CTNNA2: variants seen among roughly 807,000 people sequenced by gnomAD.
CTNNA2 encodes catenin alpha-2.
In CTNNA2, 42 loss-of-function variants were observed where a neutral mutation model predicts 101.0. The observed-to-expected ratio is 0.42, with a 90% CI of 0.32 to 0.54. The LOEUF is 0.54. Ranked by LOEUF, CTNNA2 falls within the 20% of genes least tolerant of loss-of-function variation. The pLI is 0.14. For synonymous variants in CTNNA2, 450 were observed against 456.4 expected (o/e 0.99, Z 0.18); for missense variants, 871 against 1,223.1 (o/e 0.71, Z 4.29).
At chr2:79,563,594 T>G (rs1460252498) in intron 1 of CTNNA2, among the ~76,000 whole-genome samples, 1 of 152,156 alleles carries the variant, frequency 6.6e-6, no homozygotes, top group Non-Finnish European at 1.5e-5. Context: ...CAAAACAATC[T>G]TATTTTACTC....
intron 2 of CTNNA2, among the ~76,000 whole-genome samples, chr2:79,299,674 A>T (rs1676062708): frequency 6.6e-6 from 1 of 152,230 alleles, no homozygotes; most frequent in Non-Finnish European, 1.5e-5. Flanking sequence ...TGGACACAGC[A>T]ATAGGTATAC....
At chr2:79,530,931 G>A (rs1205751875) in intron 1 of CTNNA2, among the ~76,000 whole-genome samples, 1 of 151,958 alleles carries the variant, frequency 6.6e-6, no homozygotes, top group East Asian at 1.9e-4. Flanking sequence ...ACAGAAATGG[G>A]TCTTAGAATT....
intron 15 of CTNNA2, among the ~76,000 whole-genome samples, chr2:80,596,429 C>T (rs1696984911): frequency 1.3e-5 from 2 of 150,450 alleles, no homozygotes; most frequent in African/African-American, 4.9e-5. Flanking sequence ...CCTGCCTCAG[C>T]CTCCCGAGTA....
chr2:79,967,960 A>G (rs2104559154), intron 7 of CTNNA2, among the ~76,000 whole-genome samples: 1 of 152,344 alleles, frequency 6.6e-6, no homozygotes, highest in Admixed American at 6.5e-5. Flanking sequence ...GCAAATGGTT[A>G]TATATTGCAT....
chr2:80,545,816 A>AGG, intron 10 of CTNNA2, 91 bp from the exon 11 acceptor site: 1 of 1,298,952 alleles, frequency 7.7e-7, no homozygotes, highest in Non-Finnish European at 1.1e-6. Flanking sequence ...TAGAACGTAC[A>AGG]GGGTGCATGG....
chr2:80,637,951 C>T (rs924349638), intron 18 of CTNNA2, among the ~76,000 whole-genome samples: 1 of 152,148 alleles, frequency 6.6e-6, no homozygotes, highest in African/African-American at 2.4e-5. Context: ...GCAGCAGATA[C>T]CATGTTCATA....
rs146802930 is a variant in CTNNA2, at chr2:80,513,613, G to C, written c.1291-31369G>C. Among the ~76,000 whole-genome samples the C allele has an allele frequency of 3.3e-5, 5 of 152,306 alleles. No homozygotes were observed. In the East Asian group the frequency reaches 5.8e-4, roughly 18 times the overall value. On this transcript the variant is annotated intron_variant, in intron 9 of 18. Coordinates refer to ENST00000402739, the MANE Select transcript of CTNNA2 (RefSeq NM_001282597.3). ...GTAACAAAACACCTTCCAAAATCTT[G>C]ATGCCATCATCTCCATCTTTCTTGT...
At chr2:79,240,641 C>G (rs1291184527) in intron 2 of CTNNA2, among the ~76,000 whole-genome samples, 1 of 151,952 alleles carries the variant, frequency 6.6e-6, no homozygotes, top group African/African-American at 2.4e-5. Flanking sequence ...TCTCATTTAT[C>G]CTAGTGGTCA....
intron 3 of CTNNA2, among the ~76,000 whole-genome samples, chr2:79,320,352 T>A (rs1158287155): frequency 6.6e-6 from 1 of 151,058 alleles, no homozygotes; most frequent in East Asian, 2.0e-4. Flanking sequence ...CCTGCTGTGA[T>A]CTGTGTTAGC....
chr2:79,797,764 G>A (rs939353644), intron 3 of CTNNA2, among the ~76,000 whole-genome samples: 1 of 151,656 alleles, frequency 6.6e-6, no homozygotes, highest in Non-Finnish European at 1.5e-5. Flanking sequence ...GATGAGGAGT[G>A]AAACATTTTA....
intron 4 of CTNNA2, among the ~76,000 whole-genome samples, chr2:79,425,930 G>A (rs1029629433): frequency 2.6e-5 from 4 of 152,060 alleles, no homozygotes; most frequent in South Asian, 2.1e-4. Context: ...TAACACATCC[G>A]TGGACTGACA....
At chr2:79,665,295 T>A (rs1322637708) in intron 2 of CTNNA2, among the ~76,000 whole-genome samples, 1 of 152,190 alleles carries the variant, frequency 6.6e-6, no homozygotes, top group Non-Finnish European at 1.5e-5. Flanking sequence ...TTGTGCACCT[T>A]CCCTGTTATC....
chr2:80,422,618 C>T (rs539690275), intron 9 of CTNNA2, among the ~76,000 whole-genome samples: 56 of 152,134 alleles, frequency 3.7e-4, no homozygotes, highest in African/African-American at 1.3e-3. Flanking sequence ...AGTTCTAGTA[C>T]CCATTTGCCA....
At chr2:79,250,742 T>C (rs988382442) in intron 2 of CTNNA2, among the ~76,000 whole-genome samples, 2 of 152,348 alleles carry the variant, frequency 1.3e-5, no homozygotes, top group Admixed American at 6.5e-5. Flanking sequence ...TTATTTGGTA[T>C]GCACTGTGTT....
intron 7 of CTNNA2, among the ~76,000 whole-genome samples, chr2:80,137,639 A>G (rs1322484491): frequency 3.9e-5 from 6 of 152,148 alleles, no homozygotes; most frequent in African/African-American, 1.2e-4. Context: ...ATGGGATAGA[A>G]TAAGTTAGGA....
chr2:80,015,056 G>T (rs1694048169), intron 7 of CTNNA2, among the ~76,000 whole-genome samples: 4 of 152,146 alleles, frequency 2.6e-5, no homozygotes, highest in Admixed American at 2.6e-4. Flanking sequence ...TCCGTTATAT[G>T]GGGGAGTCTA....
At chr2:80,160,398 G>T (rs1704239676) in intron 7 of CTNNA2, among the ~76,000 whole-genome samples, 1 of 152,152 alleles carries the variant, frequency 6.6e-6, no homozygotes, top group Non-Finnish European at 1.5e-5. Context: ...TAGAATTGAT[G>T]TCTTTATTAC....
At chr2:80,046,183 T>G (rs571101723) in intron 7 of CTNNA2, among the ~76,000 whole-genome samples, 1 of 152,142 alleles carries the variant, frequency 6.6e-6, no homozygotes, top group Non-Finnish European at 1.5e-5. Flanking sequence ...ACAAGGAAGA[T>G]TTGAGAGCAA....
chr2:79,747,841 A>G (rs1671745826), intron 3 of CTNNA2, among the ~76,000 whole-genome samples: 1 of 152,210 alleles, frequency 6.6e-6, no homozygotes, highest in African/African-American at 2.4e-5. Flanking sequence ...TCTATATCAG[A>G]AATGTTGTCT....
Sources: gnomAD v4.1 joint callset for allele counts (sites outside exome capture counted in the v4.1 genomes callset) on GRCh38, gnomAD v4.1.1 for gene constraint, MANE v1.5 for transcripts, NCBI Gene and HGNC (gene_info 2026-07-23, HGNC 2026-07-21) for gene names.